The following CACNA2D3 variants were observed in gnomAD, a reference collection of about 807,000 sequenced individuals.
The protein encoded by CACNA2D3 is voltage-dependent calcium channel subunit alpha-2/delta-3.
A neutral mutation model predicts 160.6 loss-of-function variants in CACNA2D3; 60 were observed. The observed-to-expected ratio is 0.37, with a 90% CI of 0.30 to 0.46. The LOEUF (loss-of-function observed/expected upper bound fraction) is 0.46. Ranked by LOEUF, CACNA2D3 falls within the 20% of genes least tolerant of loss-of-function variation. CACNA2D3 has a pLI of 1.00. For missense variants in CACNA2D3, 1,205 were observed against 1,365.0 expected (o/e 0.88, Z 1.85); for synonymous variants, 558 against 492.9 (o/e 1.13, Z -1.75).
chr3:54,564,008 A>G (rs1005961029), intron 6 of CACNA2D3, among the ~76,000 whole-genome samples: 1 of 152,226 alleles, frequency 6.6e-6, no homozygotes, highest in Admixed American at 6.5e-5. Flanking sequence ...AGATAATGCC[A>G]TAATAAACAG....
At chr3:54,249,178 C>G (rs572784974) in intron 2 of CACNA2D3, among the ~76,000 whole-genome samples, 1 of 152,022 alleles carries the variant, frequency 6.6e-6, no homozygotes, top group Non-Finnish European at 1.5e-5. Flanking sequence ...GAAGTATGAC[C>G]TTGTTGTTGT....
chr3:54,933,114 T>G, intron 27 of CACNA2D3, among the ~76,000 whole-genome samples: 1 of 127,238 alleles, frequency 7.9e-6, no homozygotes, highest in South Asian at 2.7e-4. Flanking sequence ...CCTTCCTTCC[T>G]TCTTTCTGGA....
At chr3:54,288,530 C>A (rs2107473144) in intron 2 of CACNA2D3, among the ~76,000 whole-genome samples, 1 of 152,242 alleles carries the variant, frequency 6.6e-6, no homozygotes, top group Admixed American at 6.5e-5. Context: ...TGAAACTATT[C>A]CAATCAATAG....
intron 2 of CACNA2D3, among the ~76,000 whole-genome samples, chr3:54,165,616 A>AAG (rs56906130): frequency 0.062 from 9,106 of 147,132 alleles, 440 homozygotes; most frequent in East Asian, 0.17. Context: ...AAAAAAAAAA[A>AAG]AAAGAAAAAT....
At chr3:54,268,455 G>A (rs1051404747) in intron 2 of CACNA2D3, among the ~76,000 whole-genome samples, 5 of 152,118 alleles carry the variant, frequency 3.3e-5, no homozygotes, top group African/African-American at 1.2e-4. Flanking sequence ...TGTCGCCCAG[G>A]CTGGAGTGCA....
chr3:54,503,445 C>A (rs775545651), intron 4 of CACNA2D3, 47 bp from the exon 5 acceptor site: 3 of 1,579,512 alleles, frequency 1.9e-6, no homozygotes, highest in Middle Eastern at 1.7e-4. Context: ...GAGTTCACAG[C>A]CCTCTTCCCT....
intron 3 of CACNA2D3, among the ~76,000 whole-genome samples, chr3:54,368,805 C>T (rs1437180225): frequency 6.7e-6 from 1 of 149,702 alleles, no homozygotes. Flanking sequence ...GGGTTCACGC[C>T]ATTCTCCTGC....
At chr3:54,856,029 G>A (rs931510587) in intron 17 of CACNA2D3, among the ~76,000 whole-genome samples, 1 of 152,134 alleles carries the variant, frequency 6.6e-6, no homozygotes, top group East Asian at 1.9e-4. Flanking sequence ...GGCTCCCCAC[G>A]ACATTGTAGA....
At chr3:54,759,637 A>G (rs1239201774) in intron 12 of CACNA2D3, among the ~76,000 whole-genome samples, 1 of 152,138 alleles carries the variant, frequency 6.6e-6, no homozygotes, top group Non-Finnish European at 1.5e-5. Context: ...CTACATAGTG[A>G]AATATAAGTT....
chr3:54,694,843 A>C (rs1700634573), intron 11 of CACNA2D3, among the ~76,000 whole-genome samples: 1 of 152,288 alleles, frequency 6.6e-6, no homozygotes, highest in Middle Eastern at 3.4e-3. Context: ...AAATATAAGG[A>C]GAAAAATAAG....
intron 4 of CACNA2D3, among the ~76,000 whole-genome samples, chr3:54,468,998 G>A (rs534739654): frequency 1.3e-5 from 2 of 151,862 alleles, no homozygotes; most frequent in Admixed American, 6.5e-5. Flanking sequence ...TGTGGGTACA[G>A]CTTCAGCAGA....
intron 11 of CACNA2D3, among the ~76,000 whole-genome samples, chr3:54,738,219 G>C (rs2107034171): frequency 6.6e-6 from 1 of 152,338 alleles, no homozygotes; most frequent in Admixed American, 6.5e-5. Flanking sequence ...AAATTGCCCA[G>C]TGCTCTGAAA....
intron 4 of CACNA2D3, among the ~76,000 whole-genome samples, chr3:54,456,134 T>C (rs1258366283): frequency 1.3e-5 from 2 of 152,116 alleles, no homozygotes; most frequent in Admixed American, 1.3e-4. Flanking sequence ...GTAGATTGCT[T>C]TGGGTAGTAT....
At chr3:54,265,475 G>A (rs1702482755) in intron 2 of CACNA2D3, among the ~76,000 whole-genome samples, 1 of 151,758 alleles carries the variant, frequency 6.6e-6, no homozygotes, top group African/African-American at 2.4e-5. Context: ...CTTGGCATGT[G>A]TATACCTATG....
At chr3:54,809,436 A>G (rs1449563172) in intron 13 of CACNA2D3, among the ~76,000 whole-genome samples, 1 of 139,950 alleles carries the variant, frequency 7.1e-6, no homozygotes, top group African/African-American at 2.9e-5. Flanking sequence ...CTCCTGCCTC[A>G]GCCTCCCGAG....
At chr3:54,668,275 A>G (rs372395163) in intron 11 of CACNA2D3, among the ~76,000 whole-genome samples, 1 of 152,176 alleles carries the variant, frequency 6.6e-6, no homozygotes, top group South Asian at 2.1e-4. Context: ...CTGAGTCATT[A>G]GTGTGTCTGA....
At chr3:54,631,479 G>T (rs1232679581) in intron 10 of CACNA2D3, among the ~76,000 whole-genome samples, 1 of 151,882 alleles carries the variant, frequency 6.6e-6, no homozygotes, top group East Asian at 1.9e-4. Flanking sequence ...ATCTTCCTGT[G>T]TATTATGCCT....
At chr3:54,588,798 C>A (rs1026250090) in intron 9 of CACNA2D3, among the ~76,000 whole-genome samples, 1 of 151,738 alleles carries the variant, frequency 6.6e-6, no homozygotes, top group African/African-American at 2.4e-5. Flanking sequence ...TCAAAGAAGA[C>A]CTAAATAATT....
chr3:54,900,050 G>T (rs1407804606), intron 27 of CACNA2D3, among the ~76,000 whole-genome samples, 182 bp downstream of exon 27: 2 of 152,142 alleles, frequency 1.3e-5, no homozygotes, highest in African/African-American at 2.4e-5. Flanking sequence ...GACAGCTGGT[G>T]GTGGTTGATG....
Sources: gnomAD v4.1 joint callset for allele counts (sites outside exome capture counted in the v4.1 genomes callset) on GRCh38, gnomAD v4.1.1 for gene constraint, MANE v1.5 for transcripts, NCBI Gene and HGNC (gene_info 2026-07-23, HGNC 2026-07-21) for gene names.